SNTG1: variants seen among roughly 807,000 people sequenced by gnomAD.
The protein encoded by SNTG1 is syntrophin gamma 1, also known as gamma-1-syntrophin.
A neutral mutation model predicts 74.7 loss-of-function variants in SNTG1; 39 were observed. The ratio of observed to expected loss-of-function variants is 0.52; its 90% CI spans 0.40 to 0.68. The LOEUF is 0.68. SNTG1 is among the 30% of genes least tolerant of loss of function. SNTG1 has a pLI of 0.00. For synonymous variants in SNTG1, 254 were observed against 217.1 expected (o/e 1.17, Z -1.49); for missense variants, 685 against 609.5 (o/e 1.12, Z -1.30).
At chr8:50,654,759 A>G (rs563500746) in intron 13 of SNTG1, among the ~76,000 whole-genome samples, 156 of 152,292 alleles carry the variant, frequency 1.0e-3, no homozygotes, top group African/African-American at 3.5e-3. Flanking sequence ...ATCATCATAA[A>G]CCATTTAAAG....
In SNTG1 at chr8:50,142,378, A is replaced by C. The variant is rs892183143; in HGVS notation, c.-102-30183A>C. On this transcript the variant is annotated intron_variant, in intron 1 of 18. Transcript: ENST00000642720. ...AGCTATAAACAAAGAAAAGTGAGGA[A>C]GAGAGTAGGAGCTTGAAGAAGAATT... 5.3e-5 allele frequency among the ~76,000 whole-genome samples: 8 copies of C among 151,996 alleles called. No individual in the cohort carries two copies. In the South Asian group the frequency reaches 1.7e-3, roughly 32 times the overall value.
At chr8:49,986,024 T>A (rs1298120399) in intron 1 of SNTG1, among the ~76,000 whole-genome samples, 1 of 152,206 alleles carries the variant, frequency 6.6e-6, no homozygotes, top group African/African-American at 2.4e-5. Context: ...GTTCTACAAA[T>A]AAAAGAATTA....
At chr8:50,069,554 G>A (rs552707258) in intron 1 of SNTG1, among the ~76,000 whole-genome samples, 2 of 130,114 alleles carry the variant, frequency 1.5e-5, no homozygotes, top group Non-Finnish European at 3.1e-5. Flanking sequence ...GATATAAATG[G>A]TTCTCTCTGG....
At chr8:50,421,395 A>G (rs533073601) in intron 4 of SNTG1, among the ~76,000 whole-genome samples, 6 of 152,258 alleles carry the variant, frequency 3.9e-5, no homozygotes, top group African/African-American at 1.4e-4. Flanking sequence ...ACTTCCTCAC[A>G]TTGCCATGAC....
intron 2 of SNTG1, among the ~76,000 whole-genome samples, chr8:50,230,425 T>C (rs2085558507): frequency 6.6e-6 from 1 of 151,368 alleles, no homozygotes. Flanking sequence ...ATACTATATG[T>C]ATAGCTTTAC....
At chr8:50,207,379 G>A (rs2084297221) in intron 2 of SNTG1, among the ~76,000 whole-genome samples, 1 of 152,240 alleles carries the variant, frequency 6.6e-6, no homozygotes, top group African/African-American at 2.4e-5. Flanking sequence ...ATACTCTGAT[G>A]TAGATTGTAT....
At chr8:50,462,370 G>A (rs2093570959) in intron 8 of SNTG1, among the ~76,000 whole-genome samples, 1 of 150,564 alleles carries the variant, frequency 6.6e-6, no homozygotes, top group Non-Finnish European at 1.5e-5. Context: ...CTCTCAGTGA[G>A]TCATAATCTT....
intron 15 of SNTG1, among the ~76,000 whole-genome samples, chr8:50,676,568 T>C (rs1317285196): frequency 1.3e-5 from 2 of 151,994 alleles, no homozygotes; most frequent in Non-Finnish European, 2.9e-5. Context: ...TGCATTGTGT[T>C]AAAACATGCT....
chr8:50,348,670 T>A (rs541095343), intron 2 of SNTG1, among the ~76,000 whole-genome samples: 1 of 152,182 alleles, frequency 6.6e-6, no homozygotes, highest in African/African-American at 2.4e-5. Flanking sequence ...AAGATGACTA[T>A]TTAAAACCTT....
chr8:50,788,149 A>G (rs1296788596), intron 18 of SNTG1, among the ~76,000 whole-genome samples: 1 of 152,050 alleles, frequency 6.6e-6, no homozygotes, highest in South Asian at 2.1e-4. Flanking sequence ...TGATGGAGCT[A>G]TTTGTTTTTC....
chr8:50,544,292 ATTCC>A (rs1030205923), intron 11 of SNTG1, among the ~76,000 whole-genome samples: 66 of 152,088 alleles, frequency 4.3e-4, no homozygotes, highest in African/African-American at 1.5e-3. Context: ...AGACCCCTTA[ATTCC>A]TTTGTTTTTT....
intron 1 of SNTG1, among the ~76,000 whole-genome samples, chr8:49,941,593 C>T (rs1808695639): frequency 6.6e-6 from 1 of 150,858 alleles, no homozygotes; most frequent in Non-Finnish European, 1.5e-5. Flanking sequence ...GGCCTTTGCA[C>T]CTGCTTCAGG....
intron 2 of SNTG1, among the ~76,000 whole-genome samples, chr8:50,282,137 C>A (rs1263759023): frequency 6.6e-6 from 1 of 152,128 alleles, no homozygotes; most frequent in Non-Finnish European, 1.5e-5. Flanking sequence ...CCTTCCCCAA[C>A]CAGAGACATA....
At chr8:50,423,127 T>C (rs563863668) in intron 4 of SNTG1, among the ~76,000 whole-genome samples, 9 of 152,290 alleles carry the variant, frequency 5.9e-5, no homozygotes, top group African/African-American at 2.2e-4. Flanking sequence ...ATATCAATAT[T>C]TTAAAAGAAT....
intron 12 of SNTG1, among the ~76,000 whole-genome samples, chr8:50,574,727 T>A (rs2094567239): frequency 6.6e-6 from 1 of 152,164 alleles, no homozygotes; most frequent in Admixed American, 6.5e-5. Context: ...AACTTACGAA[T>A]GGTTTAATAT....
intron 2 of SNTG1, among the ~76,000 whole-genome samples, chr8:50,297,329 T>C (rs2089431978): frequency 6.6e-6 from 1 of 152,200 alleles, no homozygotes; most frequent in Non-Finnish European, 1.5e-5. Context: ...ACAATCATAA[T>C]AAAGTAGGAC....
chr8:50,091,988 CA>C (rs1379059369), intron 1 of SNTG1, among the ~76,000 whole-genome samples: 5 of 151,964 alleles, frequency 3.3e-5, no homozygotes, highest in African/African-American at 1.2e-4. Context: ...CTAAAAAAAA[CA>C]AAAACCAAAA....
intron 2 of SNTG1, among the ~76,000 whole-genome samples, chr8:50,342,468 A>G (rs2091345039): frequency 6.6e-6 from 1 of 152,204 alleles, no homozygotes; most frequent in Non-Finnish European, 1.5e-5. Flanking sequence ...TTGCAAAAAT[A>G]GTTCTTTAAA....
intron 1 of SNTG1, among the ~76,000 whole-genome samples, chr8:50,143,386 G>A (rs1267238084): frequency 6.6e-6 from 1 of 152,258 alleles, no homozygotes; most frequent in South Asian, 2.1e-4. Context: ...TTAAAATACT[G>A]AATGGAAATG....
Sources: gnomAD v4.1 joint callset for allele counts (sites outside exome capture counted in the v4.1 genomes callset) on GRCh38, gnomAD v4.1.1 for gene constraint, MANE v1.5 for transcripts, NCBI Gene and HGNC (gene_info 2026-07-23, HGNC 2026-07-21) for gene names.